Variants in ZNF429 observed in about 807,000 individuals in gnomAD.
ZNF429 encodes zinc finger protein 429.
In ZNF429, 53 loss-of-function variants were observed where a neutral mutation model predicts 56.8. The observed-to-expected ratio is 0.93, with a 90% CI of 0.75 to 1.17. The LOEUF (loss-of-function observed/expected upper bound fraction) is 1.17. ZNF429 is among the 50% of genes most tolerant of loss of function. The probability of loss-of-function intolerance (pLI) is 0.00; values close to 1 mark genes in which losing one functional copy is unlikely to be tolerated. For synonymous variants in ZNF429, 278 were observed against 264.7 expected (o/e 1.05, Z -0.49); for missense variants, 849 against 788.4 (o/e 1.08, Z -0.92).
chr19:21,509,445 G>A (rs1374890675), intron 1 of ZNF429, among the ~76,000 whole-genome samples: 5 of 151,982 alleles, frequency 3.3e-5, no homozygotes, highest in Non-Finnish European at 4.4e-5. Flanking sequence ...TGGATTTTTC[G>A]AACACTTAGT....
intron 3 of ZNF429, among the ~76,000 whole-genome samples, chr19:21,532,577 A>G: frequency 6.6e-6 from 1 of 152,212 alleles, no homozygotes; most frequent in Non-Finnish European, 1.5e-5. Context: ...ATTATGCAGT[A>G]TATTATATGC....
At chr19:21,533,448 G>A in intron 3 of ZNF429, among the ~76,000 whole-genome samples, 1 of 151,834 alleles carries the variant, frequency 6.6e-6, no homozygotes, top group African/African-American at 2.4e-5. Flanking sequence ...ATTTTTTAGT[G>A]CAGTTAAATT....
intron 1 of ZNF429, among the ~76,000 whole-genome samples, chr19:21,518,325 C>G (rs2032847641): frequency 1.3e-5 from 2 of 152,166 alleles, no homozygotes; most frequent in African/African-American, 4.8e-5. Context: ...TGAGATCTTT[C>G]TACCTTTTTC....
rs2033850795 is a variant in ZNF429, at chr19:21,539,596, T to TTC, written c.*1519_*1520insCT. Among the ~76,000 whole-genome samples the TTC allele has an allele frequency of 6.6e-6, 1 of 151,296 alleles. No individual in the cohort carries two copies. The highest frequency in any genetic ancestry group is 2.4e-5 in the African/African-American group (1 of 41,192). ...ACCAGCATGTCTGGCTATTTTTTTT[T>TTC]TTTTTTGTATTTTTAGTAGAGATGA... On this transcript the variant is annotated 3_prime_UTR_variant, in exon 4 of 4. Transcript: ENST00000358491.
At chr19:21,524,868 G>A (rs1021621943) in intron 1 of ZNF429, among the ~76,000 whole-genome samples, 1 of 152,188 alleles carries the variant, frequency 6.6e-6, no homozygotes, top group African/African-American at 2.4e-5. Flanking sequence ...CAAGAGATGT[G>A]TTTGGTTGGT....
At chr19:21,529,602 G>C in intron 1 of ZNF429, 56 bp from the exon 2 acceptor site, 1 of 1,389,932 alleles carries the variant, frequency 7.2e-7, no homozygotes, top group Non-Finnish European at 9.4e-7. Context: ...ATGGGCACTT[G>C]GTCAATATAT....
intron 1 of ZNF429, among the ~76,000 whole-genome samples, chr19:21,520,526 C>G (rs1208201122): frequency 6.6e-6 from 1 of 152,018 alleles, no homozygotes; most frequent in African/African-American, 2.4e-5. Flanking sequence ...TTGTCTTTCT[C>G]TAGGACCTCA....
At chr19:21,531,112 A>AC in intron 3 of ZNF429, among the ~76,000 whole-genome samples, 5 of 94,744 alleles carry the variant, frequency 5.3e-5, no homozygotes, top group African/African-American at 1.6e-4. Context: ...ATCTCAAAAA[A>AC]AAAAAAAAAA....
intron 1 of ZNF429, among the ~76,000 whole-genome samples, chr19:21,517,034 A>C (rs200793900): frequency 6.9e-6 from 1 of 144,482 alleles, no homozygotes; most frequent in Admixed American, 6.9e-5. Flanking sequence ...TTTTAAGAAG[A>C]AATGCTTCCA....
chr19:21,526,726 A>AT (rs796361412), intron 1 of ZNF429, among the ~76,000 whole-genome samples: 35 of 152,140 alleles, frequency 2.3e-4, no homozygotes, highest in African/African-American at 8.0e-4. Flanking sequence ...TTAATAATCA[A>AT]TTTTTTTTGT....
chr19:21,516,332 C>T (rs2032742340), intron 1 of ZNF429, among the ~76,000 whole-genome samples: 1 of 152,132 alleles, frequency 6.6e-6, no homozygotes, highest in African/African-American at 2.4e-5. Flanking sequence ...TGTGATCCAC[C>T]CGCCTCAGCC....
chr19:21,510,922 C>T (rs1167014735), intron 1 of ZNF429, among the ~76,000 whole-genome samples: 6 of 152,022 alleles, frequency 3.9e-5, no homozygotes, highest in Non-Finnish European at 8.8e-5. Context: ...AACAGGATCC[C>T]AAGGCAGAAG....
chr19:21,531,691 G>C, intron 3 of ZNF429, among the ~76,000 whole-genome samples: 1 of 151,872 alleles, frequency 6.6e-6, no homozygotes, highest in East Asian at 1.9e-4. Context: ...TGTAATCCTA[G>C]CTACTTGGGA....
In ZNF429 at chr19:21,516,018, A is replaced by G. The variant is rs141792314; in HGVS notation, c.3+10244A>G. 8.4e-3 allele frequency among the ~76,000 whole-genome samples: 1,272 copies of G among 152,028 alleles called. 12 individuals carry two copies. Among genetic ancestry groups the G allele is most frequent in the Non-Finnish European group, 0.014 (949 of 67,976 alleles). The stretch of plus-strand genomic sequence containing the variant: ...ATATAGTTTGAAGTGGGGTAAAGTG[A>G]TACAGTGCCTCCAGCTTTGTTTTTT... On this transcript the variant is annotated intron_variant, in intron 1 of 3. Transcript: ENST00000358491.
chr19:21,535,405 CTT>C lies in ZNF429; in HGVS notation c.227-871_227-870del. 8.3e-4 allele frequency among the ~76,000 whole-genome samples: 13 copies of C among 15,698 alleles called. 1 individual carries two copies. The highest frequency in any genetic ancestry group is 3.7e-3 in the African/African-American group (10 of 2,692). The allele number at this position is 15,698 out of a possible 152,430, so 10.3% of individuals were successfully genotyped here. ...TTTTACTTTCTTTCTTTCTTTCTTTCTTTTTCTTTTCTTTCTTTCTTTCTTTC... is the reference window on the plus strand; with the variant it reads ...TTTTACTTTCTTTCTTTCTTTCTTTCTTTCTTTTCTTTCTTTCTTTCTTTC... On this transcript the variant is annotated intron_variant, in intron 3 of 3. Transcript: ENST00000358491.
At chr19:21,517,362 G>A (rs958999087) in intron 1 of ZNF429, among the ~76,000 whole-genome samples, 4 of 152,122 alleles carry the variant, frequency 2.6e-5, no homozygotes, top group Non-Finnish European at 2.9e-5. Flanking sequence ...GAGGATTTTT[G>A]CATCAGTGTT....
intron 1 of ZNF429, among the ~76,000 whole-genome samples, chr19:21,506,461 AGGG>A (rs112803668): frequency 2.7e-5 from 4 of 147,228 alleles, no homozygotes; most frequent in African/African-American, 5.0e-5. Flanking sequence ...AAAAAAAAAA[AGGG>A]GAGTCACTGC....
intron 1 of ZNF429, among the ~76,000 whole-genome samples, chr19:21,508,401 G>A (rs2032288209): frequency 6.6e-6 from 1 of 152,236 alleles, no homozygotes; most frequent in African/African-American, 2.4e-5. Flanking sequence ...TGACTTAAGT[G>A]AGCGGGATGG....
Position 21,536,632 on chromosome 19 carries a change from A to T in ZNF429, c.579A>T (p.Lys193Asn), listed in dbSNP as rs1369085956. ...TTTCACAACTAACTCAACATAAGAA[A>T]ATTCATATTAGAGAGAATACCTACA... ...CMLSQLTQHK[K>N]IHIRENTYRC... is the part of the protein sequence containing the mutation. Residue 193 changes from lysine (K) to asparagine (N), a missense_variant, in exon 4 of 4, where the codon AAA becomes AAT. By Grantham distance (94) the Lys-to-Asn change is moderately conservative. Transcript: ENST00000358491. The T allele has an allele frequency of 6.2e-7, 1 of 1,613,768 alleles. No homozygotes were observed. The highest frequency in any genetic ancestry group is 8.5e-7 in the Non-Finnish European group (1 of 1,179,866).
Sources: gnomAD v4.1 joint callset for allele counts (sites outside exome capture counted in the v4.1 genomes callset) on GRCh38, gnomAD v4.1.1 for gene constraint, MANE v1.5 for transcripts, NCBI Gene and HGNC (gene_info 2026-07-23, HGNC 2026-07-21) for gene names.